The following PRKAR2A variants were observed in gnomAD, a reference collection of about 807,000 sequenced individuals.
PRKAR2A encodes the protein protein kinase cAMP-dependent type II regulatory subunit alpha.
In PRKAR2A, 29 loss-of-function variants were observed where a neutral mutation model predicts 51.9. That is an observed-to-expected ratio of 0.56 (90% CI 0.42 to 0.76). The LOEUF is 0.76. Ranked by LOEUF, PRKAR2A falls within the 30% of genes least tolerant of loss-of-function variation. PRKAR2A has a pLI of 0.00. For synonymous variants in PRKAR2A, 178 were observed against 186.2 expected, an observed-to-expected ratio of 0.96 and a Z score of 0.36; for missense variants, 445 against 512.1, an observed-to-expected ratio of 0.87 and a Z score of 1.26.
In PRKAR2A at chr3:48,814,446, A is replaced by G. The variant is rs187829423; in HGVS notation, c.263-6762T>C. Among the ~76,000 whole-genome samples, 427 of 152,290 alleles carry G rather than the reference A, an allele frequency of 2.8e-3. 3 individuals are homozygous for G. The highest frequency in any genetic ancestry group is 9.5e-3 in the African/African-American group (397 of 41,572). ...AACAAAAAATAAATAATCAAGGAGGAAAGTTATTAACGTTAACAGAGAAGG... is the reference window on the plus strand; with the variant it reads ...AACAAAAAATAAATAATCAAGGAGGGAAGTTATTAACGTTAACAGAGAAGG... On this transcript the variant is annotated intron_variant, in intron 1 of 10. Coordinates refer to ENST00000265563, the MANE Select transcript of PRKAR2A (RefSeq NM_004157.4).
chr3:48,816,136 G>A (rs2082871476), intron 1 of PRKAR2A, among the ~76,000 whole-genome samples: 1 of 150,840 alleles, frequency 6.6e-6, no homozygotes, highest in South Asian at 2.1e-4. Flanking sequence ...CCCTCCTTCT[G>A]CCCAGAAAAG....
At chr3:48,824,802 C>T (rs1025299793) in intron 1 of PRKAR2A, among the ~76,000 whole-genome samples, 3 of 151,460 alleles carry the variant, frequency 2.0e-5, no homozygotes, top group African/African-American at 7.3e-5. Flanking sequence ...AAAAATTAGT[C>T]AGGCATCATG....
chr3:48,845,722 G>A (rs1251589309), intron 1 of PRKAR2A, among the ~76,000 whole-genome samples: 2 of 152,168 alleles, frequency 1.3e-5, no homozygotes, highest in African/African-American at 2.4e-5. Context: ...CAAGGCAGGA[G>A]CATTACTTGA....
At chr3:48,778,581 A>G (rs2082140634) in intron 5 of PRKAR2A, among the ~76,000 whole-genome samples, 1 of 152,104 alleles carries the variant, frequency 6.6e-6, no homozygotes, top group South Asian at 2.1e-4. Flanking sequence ...GTGCAGTGGC[A>G]TGATCTCCAC....
rs1041073707 is a variant in PRKAR2A, at chr3:48,746,822, A to G, written c.*4763T>C. ...AAAATTCACTCCAAGAATTTAAAAA[A>G]TAATTCCAAATGAAGGACATTTCAA... is the stretch of plus-strand genomic sequence containing the variant. On this transcript the variant is annotated 3_prime_UTR_variant, in exon 11 of 11. Coordinates refer to ENST00000265563, the MANE Select transcript of PRKAR2A (RefSeq NM_004157.4). 5 of 152,240 alleles carry G rather than the reference A, an allele frequency of 3.3e-5. No homozygotes were observed. The highest frequency in any genetic ancestry group is 1.2e-4 in the African/African-American group (5 of 41,470). 9.4% of individuals were successfully genotyped at this position (152,240 alleles called of 1,614,324 possible). A position where few individuals can be genotyped will look rare whatever the true frequency, so the allele number is the denominator to read the frequency against.
chr3:48,765,401 T>G, intron 6 of PRKAR2A, 52 bp from the exon 7 acceptor site: 1 of 1,269,584 alleles, frequency 7.9e-7, no homozygotes, highest in Non-Finnish European at 1.1e-6. Context: ...CAGGAACATC[T>G]ATGGTTTAAT....
intron 6 of PRKAR2A, among the ~76,000 whole-genome samples, chr3:48,767,947 C>A (rs1164797908): frequency 6.7e-6 from 1 of 149,702 alleles, no homozygotes; most frequent in Non-Finnish European, 1.5e-5. Flanking sequence ...AACAAAAAAA[C>A]CCCACAAAAA....
intron 2 of PRKAR2A, among the ~76,000 whole-genome samples, chr3:48,798,953 G>A (rs1422157448): frequency 6.6e-6 from 1 of 152,166 alleles, no homozygotes; most frequent in Non-Finnish European, 1.5e-5. Context: ...AAGCCCTCGT[G>A]TCCAGCCTCC....
chr3:48,758,693 G>C (rs557858431), intron 8 of PRKAR2A, among the ~76,000 whole-genome samples: 3 of 152,194 alleles, frequency 2.0e-5, no homozygotes, highest in African/African-American at 7.2e-5. Context: ...GAACAGGGGA[G>C]CTCATATAGA....
intron 6 of PRKAR2A, among the ~76,000 whole-genome samples, chr3:48,767,216 C>T (rs1225954000): frequency 2.6e-5 from 4 of 152,182 alleles, no homozygotes; most frequent in Admixed American, 1.3e-4. Context: ...CAGTGGCTCA[C>T]GCCTGTAATC....
intron 4 of PRKAR2A, among the ~76,000 whole-genome samples, chr3:48,785,368 C>T (rs2082272345): frequency 6.6e-6 from 1 of 151,244 alleles, no homozygotes; most frequent in African/African-American, 2.4e-5. Flanking sequence ...TCAAGCAATT[C>T]TCCTGCCTCA....
chr3:48,795,975 T>A (rs1369003593), intron 2 of PRKAR2A, among the ~76,000 whole-genome samples: 1 of 152,242 alleles, frequency 6.6e-6, no homozygotes, highest in Non-Finnish European at 1.5e-5. Flanking sequence ...AAATCATTAT[T>A]TTAAAATCTC....
In PRKAR2A at chr3:48,750,839, G is replaced by C. The variant is rs1363576715; in HGVS notation, c.*746C>G. 6.5e-6 allele frequency: 1 copy of C among 153,470 alleles called. No homozygotes were observed. The highest frequency in any genetic ancestry group is 1.5e-5 in the Non-Finnish European group (1 of 68,938). 9.5% of individuals were successfully genotyped at this position (153,470 alleles called of 1,614,324 possible). On this transcript the variant is annotated 3_prime_UTR_variant, in exon 11 of 11. Transcript: ENST00000265563. ...AAAATCCCACAAAATCCCCAACCCA[G>C]AAAACGTTTCCTGGCTCTCTACTAA...
chr3:48,811,965 G>C (rs960567726), intron 1 of PRKAR2A, among the ~76,000 whole-genome samples: 1 of 152,082 alleles, frequency 6.6e-6, no homozygotes, highest in Non-Finnish European at 1.5e-5. Context: ...GGCTGCAGGG[G>C]GAATGGGGAG....
chr3:48,790,729 A>G, intron 3 of PRKAR2A, 102 bp from the exon 4 acceptor site: 1 of 688,246 alleles, frequency 1.5e-6, no homozygotes, highest in Non-Finnish European at 2.2e-6. Flanking sequence ...AAAAATAAAG[A>G]GCATGGTTTC....
chr3:48,809,357 G>A (rs1190301320), intron 1 of PRKAR2A, among the ~76,000 whole-genome samples: 2 of 151,952 alleles, frequency 1.3e-5, no homozygotes, highest in East Asian at 3.9e-4. Flanking sequence ...CTGGGAGGCC[G>A]AGGCGGCTGG....
At chr3:48,832,619 C>T (rs1267487173) in intron 1 of PRKAR2A, among the ~76,000 whole-genome samples, 2 of 152,078 alleles carry the variant, frequency 1.3e-5, no homozygotes, top group African/African-American at 4.8e-5. Context: ...GCTGTCCCAA[C>T]ACCTGTAATG....
intron 4 of PRKAR2A, among the ~76,000 whole-genome samples, chr3:48,786,131 T>G (rs1391960126): frequency 3.3e-5 from 5 of 150,084 alleles, no homozygotes; most frequent in East Asian, 2.0e-4. Flanking sequence ...TTTTTTTGTT[T>G]TTTTTTTTTT....
chr3:48,839,783 A>C (rs568257614), intron 1 of PRKAR2A, among the ~76,000 whole-genome samples: 13 of 152,248 alleles, frequency 8.5e-5, no homozygotes, highest in African/African-American at 2.6e-4. Flanking sequence ...GAGTTGAAAC[A>C]TATCCTATTT....
Sources: gnomAD v4.1 joint callset for allele counts (sites outside exome capture counted in the v4.1 genomes callset) on GRCh38, gnomAD v4.1.1 for gene constraint, MANE v1.5 for transcripts, NCBI Gene and HGNC (gene_info 2026-07-23, HGNC 2026-07-21) for gene names.